SUGCT: variants seen among roughly 807,000 people sequenced by gnomAD.
SUGCT encodes the protein succinyl-CoA:glutarate-CoA transferase.
A neutral mutation model predicts 55.0 loss-of-function variants in SUGCT; 41 were observed. The observed-to-expected ratio is 0.74, with a 90% CI of 0.58 to 0.97. The LOEUF is 0.97. Among genes scored for constraint, SUGCT ranks in the 50% least tolerant of loss-of-function variants. The probability of loss-of-function intolerance (pLI) is 0.00; values close to 1 mark genes in which losing one functional copy is unlikely to be tolerated. For synonymous variants in SUGCT, 187 were observed against 200.4 expected (o/e 0.93, Z 0.56); for missense variants, 568 against 547.8 (o/e 1.04, Z -0.37).
intron 9 of SUGCT, among the ~76,000 whole-genome samples, chr7:40,405,827 AAAAG>A (rs1786336404): frequency 6.6e-6 from 1 of 151,554 alleles, no homozygotes; most frequent in Non-Finnish European, 1.5e-5. Context: ...AAAAAAAAAA[AAAAG>A]AAAAACCAAT....
At chr7:40,662,808 C>T (rs879380545) in intron 12 of SUGCT, among the ~76,000 whole-genome samples, 1 of 152,126 alleles carries the variant, frequency 6.6e-6, no homozygotes, top group African/African-American at 2.4e-5. Flanking sequence ...TTTCATGTTA[C>T]CTTTTAAAAA....
At chr7:40,319,032 G>T (rs568384389) in intron 9 of SUGCT, among the ~76,000 whole-genome samples, 2 of 152,264 alleles carry the variant, frequency 1.3e-5, no homozygotes, top group East Asian at 3.9e-4. Flanking sequence ...GAAAGTAAAA[G>T]ACATAGGATT....
intron 7 of SUGCT, among the ~76,000 whole-genome samples, chr7:40,255,079 T>C (rs1026164785): frequency 6.7e-6 from 1 of 149,980 alleles, no homozygotes; most frequent in Non-Finnish European, 1.5e-5. Context: ...AACAGAAAAT[T>C]AGCCATGCGT....
intron 9 of SUGCT, among the ~76,000 whole-genome samples, chr7:40,338,929 T>G (rs1584720611): frequency 6.6e-6 from 1 of 152,358 alleles, no homozygotes; most frequent in East Asian, 1.9e-4. Context: ...GTTTTTGGTG[T>G]GGATGTCCTT....
intron 12 of SUGCT, among the ~76,000 whole-genome samples, chr7:40,671,096 A>G (rs922814946): frequency 1.3e-5 from 2 of 152,186 alleles, no homozygotes; most frequent in African/African-American, 2.4e-5. Context: ...TTGAAAACCA[A>G]ATGTTATCTA....
rs1452737043 is a variant in SUGCT at position 40,294,495 on chromosome 7, A to AT, written c.720+19840dup. ...GTCACATATTGGTTCCAGAGTTTAC[A>AT]TACCAGTCTTTTAAATCATATTCAC... is the stretch of plus-strand genomic sequence containing the variant. On this transcript the variant is annotated intron_variant, in intron 8 of 13. Transcript: ENST00000335693. 7.2e-5 allele frequency among the ~76,000 whole-genome samples: 11 copies of AT among 152,266 alleles called. 1 individual carries two copies. Among genetic ancestry groups the AT allele is most frequent in the African/African-American group, 2.2e-4 (9 of 41,518 alleles).
chr7:40,898,376 C>A, the SUGCT span, among the ~76,000 whole-genome samples: 19,498 of 151,304 alleles, frequency 0.13, 1,619 homozygotes, highest in East Asian at 0.17. Context: ...AGCAAGAGCA[C>A]GAACCCACCA....
At chr7:40,474,035 C>T (rs1435078616) in intron 11 of SUGCT, among the ~76,000 whole-genome samples, 1 of 152,078 alleles carries the variant, frequency 6.6e-6, no homozygotes, top group African/African-American at 2.4e-5. Flanking sequence ...CCGCTTCTCC[C>T]CCTTTCCCTA....
intron 12 of SUGCT, among the ~76,000 whole-genome samples, chr7:40,658,921 C>G (rs1010263744): frequency 6.6e-6 from 1 of 152,088 alleles, no homozygotes; most frequent in Non-Finnish European, 1.5e-5. Context: ...TTTGAGGGCC[C>G]GGGGAAACTG....
chr7:40,597,511 C>G (rs1004644573), intron 12 of SUGCT, among the ~76,000 whole-genome samples: 13 of 152,140 alleles, frequency 8.5e-5, no homozygotes, highest in African/African-American at 2.9e-4. Context: ...CCAAATATTT[C>G]CAGCTTTCTG....
chr7:40,213,384 C>T (rs1787452379), intron 6 of SUGCT, among the ~76,000 whole-genome samples: 2 of 152,086 alleles, frequency 1.3e-5, no homozygotes, highest in South Asian at 4.1e-4. Flanking sequence ...CTGATGTTTT[C>T]TTAGGAACTG....
the SUGCT span, among the ~76,000 whole-genome samples, chr7:40,994,989 A>G: frequency 6.6e-6 from 1 of 152,230 alleles, no homozygotes; most frequent in Non-Finnish European, 1.5e-5. Flanking sequence ...CTGTGAGCCA[A>G]TTAAACCTCT....
chr7:40,554,910 C>T (rs1193668221), intron 12 of SUGCT, among the ~76,000 whole-genome samples: 1 of 152,176 alleles, frequency 6.6e-6, no homozygotes, highest in Non-Finnish European at 1.5e-5. Flanking sequence ...CTGTCCCCAT[C>T]ATCATACATT....
At position 40,398,515 on chromosome 7, in the gene SUGCT, CTTT is replaced by C. The variant is rs138325012; in HGVS notation, c.817-50757_817-50755del. On this transcript the variant is annotated intron_variant, in intron 9 of 13. Coordinates refer to ENST00000335693, the MANE Select transcript of SUGCT (RefSeq NM_001193313.2). ...AACCTGATCGGTAACACTTTACTGG[CTTT>C]TTTTTTTTTTTTTTCTAATTTTCTT... 2.3e-3 allele frequency among the ~76,000 whole-genome samples: 302 copies of C among 130,904 alleles called. 1 individual carries two copies. Among genetic ancestry groups the C allele is most frequent in the Middle Eastern group, 0.011 (3 of 268 alleles). The allele number at this position is 130,904 out of a possible 152,430, so 85.9% of individuals were successfully genotyped here.
chr7:40,506,934 G>A (rs2151542641), intron 12 of SUGCT, among the ~76,000 whole-genome samples: 1 of 152,142 alleles, frequency 6.6e-6, no homozygotes, highest in African/African-American at 2.4e-5. Context: ...TCTCCTTTAG[G>A]AGACAGTGTC....
chr7:40,633,813 A>G (rs1430949798), intron 12 of SUGCT, among the ~76,000 whole-genome samples: 61 of 152,248 alleles, frequency 4.0e-4, no homozygotes, highest in Non-Finnish European at 1.5e-5. Context: ...ATGCATATAT[A>G]TTTAAAAGTT....
At chr7:40,271,383 T>C (rs1260068388) in intron 7 of SUGCT, among the ~76,000 whole-genome samples, 1 of 152,168 alleles carries the variant, frequency 6.6e-6, no homozygotes, top group Non-Finnish European at 1.5e-5. Context: ...CTCCCTTCAG[T>C]CTCCCAAAGT....
At position 40,799,996 on chromosome 7, in the gene SUGCT, C is replaced by T. The variant is rs190995221; in HGVS notation, c.1153+50499C>T. Among the ~76,000 whole-genome samples, 364 of 152,310 alleles carry T rather than the reference C, an allele frequency of 2.4e-3. 1 individual carries two copies. Among genetic ancestry groups the T allele is most frequent in the African/African-American group, 8.4e-3 (348 of 41,564 alleles). On this transcript the variant is annotated intron_variant, in intron 13 of 13. Coordinates refer to ENST00000335693, the MANE Select transcript of SUGCT (RefSeq NM_001193313.2). ...AAATCCTTTCTTAGCACAAGTGCTA[C>T]AGTGGCTCCACTCACTGTGGGCCTG... is the stretch of plus-strand genomic sequence containing the variant.
the SUGCT span, among the ~76,000 whole-genome samples, chr7:40,912,575 C>T: frequency 1.3e-5 from 2 of 152,164 alleles, no homozygotes. Flanking sequence ...TCATGAGAAA[C>T]TCCATCTATC....
Sources: allele counts gnomAD v4.1 joint callset (sites outside exome capture counted in the v4.1 genomes callset), GRCh38; gene constraint gnomAD v4.1.1; transcripts MANE v1.5; gene names NCBI Gene and HGNC (gene_info 2026-07-23, HGNC 2026-07-21).